Variants in TMTC1 observed in about 807,000 individuals in gnomAD.
TMTC1 encodes the protein protein O-mannosyl-transferase TMTC1.
Under a neutral mutation model 104.8 loss-of-function variants are expected in TMTC1, and 73 were observed. The observed-to-expected ratio is 0.70, with a 90% CI of 0.58 to 0.85. TMTC1 has a LOEUF of 0.85. Ranked by LOEUF, TMTC1 falls within the 40% of genes least tolerant of loss-of-function variation. The pLI, the probability that TMTC1 is intolerant of heterozygous loss-of-function variation, is 0.00. For synonymous variants in TMTC1, 434 were observed against 428.7 expected (o/e 1.01, Z -0.15); for missense variants, 1,035 against 1,096.1 (o/e 0.94, Z 0.79).
At chr12:29,685,372 A>T (rs1204822030) in intron 5 of TMTC1, among the ~76,000 whole-genome samples, 2 of 152,096 alleles carry the variant, frequency 1.3e-5, no homozygotes, top group African/African-American at 2.4e-5. Flanking sequence ...CAAAATAAAA[A>T]AAAAAAAACT....
At chr12:29,618,902 A>G (rs1947058664) in intron 6 of TMTC1, among the ~76,000 whole-genome samples, 1 of 152,238 alleles carries the variant, frequency 6.6e-6, no homozygotes, top group Non-Finnish European at 1.5e-5. Flanking sequence ...GTCACAGTTT[A>G]AAAACAATCA....
chr12:29,739,867 C>G (rs552822004), intron 5 of TMTC1, among the ~76,000 whole-genome samples: 3 of 152,070 alleles, frequency 2.0e-5, no homozygotes, highest in South Asian at 4.2e-4. Flanking sequence ...CACCACCATA[C>G]CCAGCTAATT....
At chr12:29,565,484 C>T (rs540657428) in intron 9 of TMTC1, among the ~76,000 whole-genome samples, 24 of 152,254 alleles carry the variant, frequency 1.6e-4, no homozygotes, top group Admixed American at 4.6e-4. Flanking sequence ...CTGCTATTGA[C>T]GACATTTAGG....
At chr12:29,507,870 G>A (rs796231210) in intron 17 of TMTC1, among the ~76,000 whole-genome samples, 9 of 152,308 alleles carry the variant, frequency 5.9e-5, no homozygotes, top group African/African-American at 1.7e-4. Flanking sequence ...GAAAAAGTAT[G>A]AATTTGTTCC....
In TMTC1 at chr12:29,587,043, C is replaced by T. The variant is rs553601564; in HGVS notation, c.1251-3469G>A. Among the ~76,000 whole-genome samples the T allele has an allele frequency of 1.7e-4, 26 of 152,162 alleles. No individual in the cohort carries two copies. In the South Asian group the frequency reaches 3.3e-3, roughly 19 times the overall value. ...TCCTCCTTGTAACTCTGGTAGAATT[C>T]GGCTGTGAATCCATCTGGCCCTGGA... On this transcript the variant is annotated intron_variant, in intron 7 of 17. Coordinates refer to ENST00000539277, the MANE Select transcript of TMTC1 (RefSeq NM_001193451.2).
chr12:29,746,675 T>C (rs1323420716), intron 5 of TMTC1, among the ~76,000 whole-genome samples: 1 of 152,240 alleles, frequency 6.6e-6, no homozygotes, highest in Non-Finnish European at 1.5e-5. Context: ...CTATGTCTCT[T>C]GAATTTAATT....
chr12:29,570,887 C>G lies in TMTC1; in HGVS notation c.1532+1218G>C, dbSNP rs76462266. On this transcript the variant is annotated intron_variant, in intron 9 of 17. Coordinates refer to ENST00000539277, the MANE Select transcript of TMTC1 (RefSeq NM_001193451.2). Reference sequence around the variant, plus strand: ...AAACAAAAAAAACAGAAACACCCCCCCCCCCCGCCAAAACACACACACAAA... The same window carrying G: ...AAACAAAAAAAACAGAAACACCCCCGCCCCCCGCCAAAACACACACACAAA... Among the ~76,000 whole-genome samples the G allele has an allele frequency of 4.3e-3, 106 of 24,386 alleles. 7 individuals carry two copies. Among genetic ancestry groups the G allele is most frequent in the African/African-American group, 5.5e-3 (69 of 12,458 alleles). 16.0% of individuals were successfully genotyped at this position (24,386 alleles called of 152,430 possible).
In TMTC1 at chr12:29,692,882, A is replaced by G. The variant is rs1941304906; in HGVS notation, c.938+58784T>C. 1.4e-5 allele frequency among the ~76,000 whole-genome samples: 2 copies of G among 144,776 alleles called. 1 individual carries two copies. Among genetic ancestry groups the G allele is most frequent in the Non-Finnish European group, 3.0e-5 (2 of 66,246 alleles). The allele number at this position is 144,776 out of a possible 152,430, so 95.0% of individuals were successfully genotyped here. On this transcript the variant is annotated intron_variant, in intron 5 of 17. Coordinates refer to ENST00000539277, the MANE Select transcript of TMTC1 (RefSeq NM_001193451.2). ...TAAAAACATCATACTACATTAAAGA[A>G]GCCTGACACAAAATAACACGTTTTA...
intron 9 of TMTC1, among the ~76,000 whole-genome samples, chr12:29,558,225 T>C (rs1287540106): frequency 2.0e-5 from 3 of 152,144 alleles, no homozygotes; most frequent in African/African-American, 4.8e-5. Flanking sequence ...CCAGAGTACT[T>C]TGAATAAGCC....
At chr12:29,701,480 T>C (rs986278925) in intron 5 of TMTC1, among the ~76,000 whole-genome samples, 5 of 152,204 alleles carry the variant, frequency 3.3e-5, no homozygotes, top group East Asian at 1.9e-4. Flanking sequence ...TAGAACTCCA[T>C]GCACTGCAGT....
intron 6 of TMTC1, among the ~76,000 whole-genome samples, chr12:29,605,207 A>G (rs1946666625): frequency 6.6e-6 from 1 of 152,124 alleles, no homozygotes; most frequent in Admixed American, 6.5e-5. Context: ...TCCTTTAAAC[A>G]TTTTAAAGTC....
In TMTC1 at chr12:29,514,484, C is replaced by T; in HGVS notation, c.2428G>A (p.Glu810Lys). ...REQNLLDKAF[E>K]SYRVAVQLNP... Reference sequence around the variant, plus strand: ...ATAATTTTATGATGAGTTTATACCTCAAAAGCTTTGTCGAGAAGGTTCTGC... The same window carrying T: ...ATAATTTTATGATGAGTTTATACCTTAAAAGCTTTGTCGAGAAGGTTCTGC... The change falls in exon 16 of 18, where the codon GAG (glutamate) becomes AAG (lysine). Residue 810 changes from glutamate to lysine, a missense_variant and splice_region_variant. By Grantham distance (56) the Glu-to-Lys change is moderately conservative (BLOSUM62 1). Transcript: ENST00000539277. 6.2e-7 allele frequency: 1 copy of T among 1,609,920 alleles called. No individual in the cohort carries two copies. Among genetic ancestry groups the T allele is most frequent in the Non-Finnish European group, 8.5e-7 (1 of 1,179,052 alleles).
intron 10 of TMTC1, among the ~76,000 whole-genome samples, chr12:29,550,978 G>A (rs565633528): frequency 2.2e-5 from 3 of 137,782 alleles, no homozygotes; most frequent in Non-Finnish European, 3.0e-5. Flanking sequence ...AAAAGAGCAG[G>A]GAGACAGAGC....
intron 5 of TMTC1, among the ~76,000 whole-genome samples, chr12:29,702,045 T>C (rs1485798308): frequency 6.6e-6 from 1 of 152,214 alleles, no homozygotes; most frequent in East Asian, 1.9e-4. Flanking sequence ...GAAAATAATA[T>C]GCTAGAATAA....
At chr12:29,720,951 A>G (rs1942221188) in intron 5 of TMTC1, among the ~76,000 whole-genome samples, 4 of 152,202 alleles carry the variant, frequency 2.6e-5, no homozygotes, top group Admixed American at 2.0e-4. Flanking sequence ...CAGAGTGGTG[A>G]CCTACTGAAG....
At chr12:29,526,694 A>G (rs187094723) in intron 11 of TMTC1, among the ~76,000 whole-genome samples, 124 of 152,284 alleles carry the variant, frequency 8.1e-4, no homozygotes, top group Non-Finnish European at 1.6e-3. Context: ...CTAGGATTTT[A>G]CTTCTTTATC....
At chr12:29,769,100 G>C (rs887448663) in intron 1 of TMTC1, among the ~76,000 whole-genome samples, 1 of 152,026 alleles carries the variant, frequency 6.6e-6, no homozygotes, top group Non-Finnish European at 1.5e-5. Flanking sequence ...GCTCTTCTTT[G>C]CCAAAACAAC....
At chr12:29,712,463 TAAGAG>T (rs1941956035) in intron 5 of TMTC1, among the ~76,000 whole-genome samples, 2 of 152,216 alleles carry the variant, frequency 1.3e-5, no homozygotes, top group African/African-American at 2.4e-5. Flanking sequence ...GTATGATATC[TAAGAG>T]AAAAGTTTTT....
chr12:29,523,771 AG>A (rs1944254647), intron 11 of TMTC1, among the ~76,000 whole-genome samples: 1 of 151,990 alleles, frequency 6.6e-6, no homozygotes, highest in Non-Finnish European at 1.5e-5. Flanking sequence ...TGTTTTTTGG[AG>A]GGCAGAAAGA....
Sources: allele counts gnomAD v4.1 joint callset (sites outside exome capture counted in the v4.1 genomes callset), GRCh38; gene constraint gnomAD v4.1.1; transcripts MANE v1.5; gene names NCBI Gene and HGNC (gene_info 2026-07-23, HGNC 2026-07-21).